The following PLXNC1 variants were observed in gnomAD, a reference collection of about 807,000 sequenced individuals.
The protein encoded by PLXNC1 is plexin C1.
A neutral mutation model predicts 178.2 loss-of-function variants in PLXNC1; 75 were observed. The observed-to-expected ratio is 0.42, with a 90% CI of 0.35 to 0.51. The LOEUF (loss-of-function observed/expected upper bound fraction) is 0.51. PLXNC1 is among the 20% of genes least tolerant of loss of function. PLXNC1 has a pLI of 0.02. For synonymous variants in PLXNC1, 790 were observed against 779.9 expected (o/e 1.01, Z -0.22); for missense variants, 1,503 against 1,984.4 (o/e 0.76, Z 4.61).
chr12:94,193,511 G>A (rs1364720898), intron 4 of PLXNC1, among the ~76,000 whole-genome samples: 3 of 152,164 alleles, frequency 2.0e-5, no homozygotes, highest in Non-Finnish European at 4.4e-5. Flanking sequence ...GGTGGCCACT[G>A]TTTTTCTGGA....
intron 15 of PLXNC1, among the ~76,000 whole-genome samples, chr12:94,253,061 AT>A (rs1036434154): frequency 6.6e-6 from 1 of 151,820 alleles, no homozygotes; most frequent in Non-Finnish European, 1.5e-5. Flanking sequence ...AAATACAAAA[AT>A]TAGCTGAGTG....
chr12:94,157,120 T>C lies in PLXNC1; in HGVS notation c.1062+7087T>C, dbSNP rs191279941. On this transcript the variant is annotated intron_variant, in intron 1 of 30. Transcript: ENST00000258526. ...GATAGAGTTGAGTCCAGTTCATCTT[T>C]CCCACCAGATGATGAGCCCGAGTTC... is the stretch of plus-strand genomic sequence containing the variant. Among the ~76,000 whole-genome samples, 354 of 152,324 alleles carry C rather than the reference T, an allele frequency of 2.3e-3. 3 individuals are homozygous for C. The highest frequency in any genetic ancestry group is 0.011 in the Admixed American group (165 of 15,300).
intron 21 of PLXNC1, chr12:94,278,011 G>A (rs1231430711): frequency 2.2e-6 from 1 of 456,008 alleles, no homozygotes; most frequent in Non-Finnish European, 4.4e-6. Context: ...TATATACCTG[G>A]CTAGTGTCCA....
chr12:94,297,494 C>G (rs1968054960), intron 26 of PLXNC1, 71 bp downstream of exon 26: 3 of 1,059,874 alleles, frequency 2.8e-6, no homozygotes. Flanking sequence ...TTAATTTCCA[C>G]TGAAGTGTGA....
chr12:94,228,372 C>T lies in PLXNC1; in HGVS notation c.1980+1137C>T, dbSNP rs188402006. ...TTGTGGCTTTTTCTTTTTAATTAAA[C>T]TTTGTTGTTGTTCCAGGGTTTGTTT... On this transcript the variant is annotated intron_variant, in intron 9 of 30. Transcript: ENST00000258526. Among the ~76,000 whole-genome samples, 13 of 149,384 alleles carry T rather than the reference C, an allele frequency of 8.7e-5. No homozygotes were observed. The East Asian group carries it at 2.6e-3, about 30-fold the overall frequency.
intron 3 of PLXNC1, among the ~76,000 whole-genome samples, chr12:94,184,751 T>TA (rs140560530): frequency 0.17 from 25,763 of 152,130 alleles, 2,345 homozygotes; most frequent in Middle Eastern, 0.18. Context: ...TTTGTGTGTT[T>TA]AAATAGACTG....
At chr12:94,282,475 T>G (rs1324102748) in intron 23 of PLXNC1, 74 bp downstream of exon 23, 3 of 955,908 alleles carry the variant, frequency 3.1e-6, no homozygotes, top group East Asian at 2.4e-5. Context: ...TTTTAAAACA[T>G]CCAGGACTCC....
chr12:94,264,301 G>A (rs772455174), intron 20 of PLXNC1, among the ~76,000 whole-genome samples: 1 of 152,114 alleles, frequency 6.6e-6, no homozygotes, highest in Non-Finnish European at 1.5e-5. Context: ...TCACAGCAGG[G>A]GAGGCAGCCC....
At chr12:94,273,088 T>C (rs893835808) in intron 21 of PLXNC1, among the ~76,000 whole-genome samples, 3 of 152,232 alleles carry the variant, frequency 2.0e-5, no homozygotes, top group African/African-American at 7.2e-5. Flanking sequence ...TCCTCATCCA[T>C]TAAATGAGGC....
intron 2 of PLXNC1, among the ~76,000 whole-genome samples, chr12:94,179,395 C>T (rs1247898590): frequency 1.3e-5 from 2 of 152,082 alleles, no homozygotes; most frequent in Admixed American, 6.6e-5. Flanking sequence ...GTAGTGGGTA[C>T]AAATTGTGTT....
Position 94,303,805 on chromosome 12 carries a change from A to G in PLXNC1, c.4436A>G (p.Lys1479Arg). The G allele has an allele frequency of 6.2e-7, 1 of 1,610,796 alleles. No individual in the cohort carries two copies. The highest frequency in any genetic ancestry group is 8.5e-7 in the Non-Finnish European group (1 of 1,178,994). Residue 1479 changes from lysine to arginine, a missense_variant, in exon 29 of 31, where the codon AAA becomes AGA. By Grantham distance (26) the Lys-to-Arg change is conservative. Transcript: ENST00000258526. ...TATGCCAAGGATATCCCAACCTACA[A>G]AGAAGAAGTAAAATCTTATTACAAA... ...LLYAKDIPTY[K>R]EEVKSYYKAI... is the part of the protein sequence containing the mutation.
intron 21 of PLXNC1, among the ~76,000 whole-genome samples, chr12:94,274,083 A>G (rs1817547): frequency 0.23 from 33,154 of 146,100 alleles, 3,802 homozygotes; most frequent in Admixed American, 0.29. Flanking sequence ...CACTTTGGGA[A>G]GCCAAGGTGG....
At chr12:94,265,350 T>C (rs1202454812) in intron 21 of PLXNC1, 125 bp downstream of exon 21, 2 of 794,704 alleles carry the variant, frequency 2.5e-6, no homozygotes, top group African/African-American at 3.4e-5. Flanking sequence ...TGTGTTTAGT[T>C]AATTAAAAAC....
chr12:94,271,388 C>CTTGA (rs1965559012), intron 21 of PLXNC1, among the ~76,000 whole-genome samples: 1 of 152,226 alleles, frequency 6.6e-6, no homozygotes, highest in African/African-American at 2.4e-5. Context: ...TTCCCCTGCC[C>CTTGA]TTGATTCATC....
chr12:94,218,793 CAT>C (rs1445388496), intron 5 of PLXNC1, among the ~76,000 whole-genome samples: 1 of 152,152 alleles, frequency 6.6e-6, no homozygotes, highest in Non-Finnish European at 1.5e-5. Flanking sequence ...CAATTTTGAT[CAT>C]ATGTTTGACC....
intron 14 of PLXNC1, 107 bp downstream of exon 14, chr12:94,248,519 ACT>A: frequency 2.3e-6 from 2 of 884,108 alleles, no homozygotes; most frequent in South Asian, 1.8e-5. Context: ...TCAGATCCTC[ACT>A]TTAAATAGAA....
intron 21 of PLXNC1, among the ~76,000 whole-genome samples, chr12:94,268,592 T>TC (rs1965387731): frequency 7.6e-6 from 1 of 132,094 alleles, no homozygotes; most frequent in East Asian, 2.2e-4. Flanking sequence ...TAAGACCTTT[T>TC]TTTTTTTTTT....
intron 1 of PLXNC1, among the ~76,000 whole-genome samples, chr12:94,163,607 C>T (rs981669680): frequency 1.3e-5 from 2 of 151,850 alleles, no homozygotes; most frequent in African/African-American, 2.4e-5. Context: ...TGGGGCCCGT[C>T]GAGGGAGGGG....
chr12:94,174,119 A>G (rs1961958239), intron 2 of PLXNC1, among the ~76,000 whole-genome samples: 3 of 152,172 alleles, frequency 2.0e-5, no homozygotes, highest in African/African-American at 4.8e-5. Flanking sequence ...GGTATTTCCT[A>G]TGTGCTTGGG....
Sources: gnomAD v4.1 joint callset for allele counts (sites outside exome capture counted in the v4.1 genomes callset) on GRCh38, gnomAD v4.1.1 for gene constraint, MANE v1.5 for transcripts, NCBI Gene and HGNC (gene_info 2026-07-23, HGNC 2026-07-21) for gene names.